Variants in TSPAN5 observed in about 807,000 individuals in gnomAD.
TSPAN5 encodes the protein tetraspanin-5.
A neutral mutation model predicts 37.1 loss-of-function variants in TSPAN5; 10 were observed. That is an observed-to-expected ratio of 0.27 (90% CI 0.17 to 0.46). The LOEUF is 0.46. Among genes scored for constraint, TSPAN5 ranks in the 20% least tolerant of loss-of-function variants. The pLI is 1.00. For synonymous variants in TSPAN5, 110 were observed against 118.9 expected (o/e 0.93, Z 0.48); for missense variants, 195 against 326.6 (o/e 0.60, Z 3.11).
At chr4:98,621,113 T>C (rs1312662912) in intron 1 of TSPAN5, among the ~76,000 whole-genome samples, 3 of 152,148 alleles carry the variant, frequency 2.0e-5, no homozygotes, top group East Asian at 3.9e-4. Context: ...GAGACCACCA[T>C]GTGAAAATGA....
rs80303084 is a variant in TSPAN5 at position 98,497,739 on chromosome 4, A to T, written c.132+9939T>A. Among the ~76,000 whole-genome samples, 1,024 of 152,278 alleles carry T rather than the reference A, an allele frequency of 6.7e-3. 10 individuals are homozygous for T. Among genetic ancestry groups the T allele is most frequent in the African/African-American group, 0.024 (995 of 41,546 alleles). ...GTTATTTCTAGCAAAACATCCAGTG[A>T]CACCCTCAGGAGCTGAGTCTAGAGG... On this transcript the variant is annotated intron_variant, in intron 2 of 7. Transcript: ENST00000305798.
intron 1 of TSPAN5, among the ~76,000 whole-genome samples, chr4:98,532,510 G>C (rs1354511185): frequency 1.3e-5 from 2 of 152,152 alleles, no homozygotes; most frequent in Admixed American, 1.3e-4. Flanking sequence ...TTGGTGTATA[G>C]CAATGCTTGT....
chr4:98,490,585 A>G (rs1294271887), intron 2 of TSPAN5, among the ~76,000 whole-genome samples: 1 of 152,168 alleles, frequency 6.6e-6, no homozygotes, highest in African/African-American at 2.4e-5. Context: ...GGGGGAACTA[A>G]TCTCCCACAA....
chr4:98,535,256 G>A (rs1754204663), intron 1 of TSPAN5, among the ~76,000 whole-genome samples: 1 of 152,150 alleles, frequency 6.6e-6, no homozygotes, highest in Admixed American at 6.5e-5. Flanking sequence ...GCATTTGCTT[G>A]TCTGTAAAGG....
chr4:98,549,857 T>C (rs1225502566), intron 1 of TSPAN5, among the ~76,000 whole-genome samples: 2 of 152,158 alleles, frequency 1.3e-5, no homozygotes, highest in Non-Finnish European at 2.9e-5. Context: ...CTGATTTTTT[T>C]CTTTTGCTGT....
intron 1 of TSPAN5, among the ~76,000 whole-genome samples, chr4:98,620,623 C>G (rs1579035883): frequency 6.6e-6 from 1 of 152,258 alleles, no homozygotes; most frequent in East Asian, 1.9e-4. Flanking sequence ...CGAGCGCTCT[C>G]CATGAAAGTA....
chr4:98,645,125 A>T (rs79574458), intron 1 of TSPAN5, among the ~76,000 whole-genome samples: 5 of 152,172 alleles, frequency 3.3e-5, no homozygotes, highest in African/African-American at 7.2e-5. Context: ...GTTTTCAACT[A>T]TCTTTTCATC....
intron 1 of TSPAN5, among the ~76,000 whole-genome samples, chr4:98,531,629 G>A (rs1248177929): frequency 6.6e-6 from 1 of 152,186 alleles, no homozygotes; most frequent in Non-Finnish European, 1.5e-5. Flanking sequence ...AGATCCTTGA[G>A]GAATCGCCAC....
At chr4:98,556,048 C>CCA (rs1754743329) in intron 1 of TSPAN5, among the ~76,000 whole-genome samples, 1 of 138,174 alleles carries the variant, frequency 7.2e-6, no homozygotes, top group Non-Finnish European at 1.6e-5. Context: ...CCCCCACACA[C>CCA]ACACACACAC....
At position 98,486,998 on chromosome 4, in the gene TSPAN5, T is replaced by C. The variant is rs991271170; in HGVS notation, c.133-114A>G. ...TCCCAAAGAAAACCTTCAGAGGGCATCTGATTATCAGGTATGTGATTAATA... is the reference window on the plus strand; with the variant it reads ...TCCCAAAGAAAACCTTCAGAGGGCACCTGATTATCAGGTATGTGATTAATA... On this transcript the variant is annotated intron_variant, in intron 2 of 7. Coordinates refer to ENST00000305798, the MANE Select transcript of TSPAN5 (RefSeq NM_005723.4). 5.9e-6 allele frequency: 6 copies of C among 1,010,514 alleles called. No homozygotes were observed. In the African/African-American group the frequency reaches 6.5e-5, roughly 11 times the overall value. 62.6% of individuals were successfully genotyped at this position (1,010,514 alleles called of 1,614,324 possible).
At position 98,471,497 on chromosome 4, in the gene TSPAN5, T is replaced by C. The variant is rs970114826; in HGVS notation, c.*1025A>G. 2.0e-5 allele frequency: 3 copies of C among 152,196 alleles called. No individual in the cohort carries two copies. Among genetic ancestry groups the C allele is most frequent in the African/African-American group, 7.2e-5 (3 of 41,448 alleles). 9.4% of individuals were successfully genotyped at this position (152,196 alleles called of 1,614,324 possible). A position where few individuals can be genotyped will look rare whatever the true frequency, so the allele number is the denominator to read the frequency against. ...GTGCTGACCAAATAACATATTTCAA[T>C]GTTTGTAGAAAAGCTGGCAGGAAAG... On this transcript the variant is annotated 3_prime_UTR_variant, in exon 8 of 8. Coordinates refer to ENST00000305798, the MANE Select transcript of TSPAN5 (RefSeq NM_005723.4).
At chr4:98,647,345 T>C (rs1757089615) in intron 1 of TSPAN5, among the ~76,000 whole-genome samples, 1 of 152,230 alleles carries the variant, frequency 6.6e-6, no homozygotes, top group Admixed American at 6.5e-5. Context: ...GGGGGAAATA[T>C]CAACAGTTGG....
intron 1 of TSPAN5, among the ~76,000 whole-genome samples, chr4:98,510,168 T>A (rs1206672351): frequency 1.3e-5 from 2 of 152,316 alleles, no homozygotes; most frequent in Admixed American, 1.3e-4. Flanking sequence ...TATTATCCCC[T>A]TTTTAGGAAA....
At chr4:98,623,332 C>T (rs989330192) in intron 1 of TSPAN5, among the ~76,000 whole-genome samples, 1 of 152,194 alleles carries the variant, frequency 6.6e-6, no homozygotes, top group Non-Finnish European at 1.5e-5. Context: ...TTGGATGCCA[C>T]TTCAAAGTAT....
At chr4:98,618,261 CAA>C (rs5860543) in intron 1 of TSPAN5, among the ~76,000 whole-genome samples, 2 of 148,700 alleles carry the variant, frequency 1.3e-5, no homozygotes, top group African/African-American at 2.4e-5. Context: ...AAATGCTTTT[CAA>C]AAAAAAAAAG....
chr4:98,626,251 T>A (rs1264446709), intron 1 of TSPAN5, among the ~76,000 whole-genome samples: 1 of 152,160 alleles, frequency 6.6e-6, no homozygotes, highest in Non-Finnish European at 1.5e-5. Flanking sequence ...TTCTAAAGGT[T>A]GAAGACCACT....
intron 2 of TSPAN5, among the ~76,000 whole-genome samples, chr4:98,499,654 G>GC (rs1312432694): frequency 2.9e-5 from 4 of 137,610 alleles, no homozygotes; most frequent in African/African-American, 1.1e-4. Context: ...TTGGTTTCCA[G>GC]CTCTTTTTTT....
intron 2 of TSPAN5, among the ~76,000 whole-genome samples, chr4:98,490,888 C>A (rs1241568127): frequency 6.6e-6 from 1 of 151,912 alleles, no homozygotes; most frequent in Non-Finnish European, 1.5e-5. Flanking sequence ...GTGAAACCCC[C>A]CGTCTCTACT....
chr4:98,607,186 G>A (rs1185392110), intron 1 of TSPAN5, among the ~76,000 whole-genome samples: 3 of 152,222 alleles, frequency 2.0e-5, no homozygotes, highest in Non-Finnish European at 4.4e-5. Flanking sequence ...CAGTTCCACA[G>A]AGTGTAATCT....
Sources: allele counts gnomAD v4.1 joint callset (sites outside exome capture counted in the v4.1 genomes callset), GRCh38; gene constraint gnomAD v4.1.1; transcripts MANE v1.5; gene names NCBI Gene and HGNC (gene_info 2026-07-23, HGNC 2026-07-21).